WIPF3: variants seen among roughly 807,000 people sequenced by gnomAD.
WIPF3 encodes the protein WAS/WASL interacting protein family member 3.
WIPF3 carries 33 observed loss-of-function variants against 38.9 expected under a neutral mutation model. The ratio of observed to expected loss-of-function variants is 0.85; its 90% CI spans 0.64 to 1.14. WIPF3 has a LOEUF of 1.14. Ranked by LOEUF, WIPF3 falls within the 50% of genes most tolerant of loss-of-function variation. The pLI is 0.00. For missense variants in WIPF3, 711 were observed against 652.5 expected, an observed-to-expected ratio of 1.09 and a Z score of -0.98; for synonymous variants, 324 against 269.3, an observed-to-expected ratio of 1.20 and a Z score of -1.99.
intron 1 of WIPF3, among the ~76,000 whole-genome samples, chr7:29,817,588 T>A (rs2128062126): frequency 6.6e-6 from 1 of 152,266 alleles, no homozygotes; most frequent in East Asian, 1.9e-4. Context: ...CTCAATACTT[T>A]TTGTTGAATA....
chr7:29,898,067 C>T (rs1786190923), intron 7 of WIPF3, among the ~76,000 whole-genome samples: 1 of 152,208 alleles, frequency 6.6e-6, no homozygotes, highest in South Asian at 2.1e-4. Flanking sequence ...CAGGCTTTCT[C>T]CCCTCAGCAC....
rs928623976 is a variant in WIPF3, at chr7:29,888,343, G to A, written c.1249+126G>A. The A allele has an allele frequency of 3.9e-6, 5 of 1,268,214 alleles. No homozygotes were observed. In the African/African-American group the frequency reaches 6.0e-5, roughly 15 times the overall value. The allele number at this position is 1,268,214 out of a possible 1,614,324, so 78.6% of individuals were successfully genotyped here. On this transcript the variant is annotated intron_variant, in intron 6 of 8. Coordinates refer to ENST00000242140, the MANE Select transcript of WIPF3 (RefSeq NM_001080529.3). Reference sequence around the variant, plus strand: ...GGTGCATGCTTCTTTCATGAACAGGGGCTCACTCCAGCACCAACCAGCCCA... The same window carrying A: ...GGTGCATGCTTCTTTCATGAACAGGAGCTCACTCCAGCACCAACCAGCCCA...
intron 2 of WIPF3, among the ~76,000 whole-genome samples, chr7:29,873,689 C>A (rs917745214): frequency 6.6e-5 from 10 of 152,160 alleles, no homozygotes; most frequent in African/African-American, 2.2e-4. Flanking sequence ...GCTCCTTGCT[C>A]TCCACTTTCT....
chr7:29,907,547 A>G (rs1786421243), intron 8 of WIPF3, among the ~76,000 whole-genome samples: 1 of 152,230 alleles, frequency 6.6e-6, no homozygotes. Flanking sequence ...ACAGTATTAA[A>G]AAAGTTGGGC....
intron 2 of WIPF3, among the ~76,000 whole-genome samples, chr7:29,859,075 C>T (rs1785233811): frequency 6.6e-6 from 1 of 152,140 alleles, no homozygotes; most frequent in East Asian, 1.9e-4. Context: ...CTGCAGTTGG[C>T]ACTTCTTAGG....
At chr7:29,876,083 A>C in intron 3 of WIPF3, 121 bp downstream of exon 3, 19 of 1,360,452 alleles carry the variant, frequency 1.4e-5, no homozygotes, top group Non-Finnish European at 1.9e-5. Context: ...GAGCCATCTC[A>C]GACCTGCTCA....
intron 1 of WIPF3, among the ~76,000 whole-genome samples, chr7:29,818,247 G>A (rs1193470073): frequency 6.6e-6 from 1 of 151,990 alleles, no homozygotes; most frequent in African/African-American, 2.4e-5. Flanking sequence ...GAGGTCAGGA[G>A]TTCAAGACCA....
In WIPF3 at chr7:29,875,035, G is replaced by A. The variant is rs192332984; in HGVS notation, c.91-795G>A. On this transcript the variant is annotated intron_variant, in intron 2 of 8. Coordinates refer to ENST00000242140, the MANE Select transcript of WIPF3 (RefSeq NM_001080529.3). ...CTCAGTTTCCTCATCTGTAAGATGAGGGCAAACTCACTTTAAACGCACAAG... is the reference window on the plus strand; with the variant it reads ...CTCAGTTTCCTCATCTGTAAGATGAAGGCAAACTCACTTTAAACGCACAAG... Among the ~76,000 whole-genome samples the A allele has an allele frequency of 3.4e-4, 52 of 152,250 alleles. No homozygotes were observed. The East Asian group carries it at 8.5e-3, about 25-fold the overall frequency.
At chr7:29,847,676 G>A (rs1785023647) in intron 2 of WIPF3, among the ~76,000 whole-genome samples, 1 of 152,186 alleles carries the variant, frequency 6.6e-6, no homozygotes, top group Non-Finnish European at 1.5e-5. Context: ...TTCCTTCTGG[G>A]TGTGGGACAA....
chr7:29,892,469 C>A (rs1256827977), intron 7 of WIPF3, among the ~76,000 whole-genome samples: 1 of 152,232 alleles, frequency 6.6e-6, no homozygotes, highest in Non-Finnish European at 1.5e-5. Flanking sequence ...TCAGTGCAAA[C>A]ACTAAATGAC....
intron 8 of WIPF3, among the ~76,000 whole-genome samples, chr7:29,906,594 A>G (rs891538450): frequency 3.3e-5 from 5 of 152,166 alleles, no homozygotes; most frequent in Admixed American, 2.6e-4. Context: ...GGAGAAAGGA[A>G]AGAAAAAGGG....
rs937027227 is a variant in WIPF3, at chr7:29,878,140, C to G, written c.224-869C>G. ...ATTAGTTTCTGGTTAAACCCATGATCGAATTGGTTAAGCCTAATTAACAGG... is the reference window on the plus strand; with the variant it reads ...ATTAGTTTCTGGTTAAACCCATGATGGAATTGGTTAAGCCTAATTAACAGG... On this transcript the variant is annotated intron_variant, in intron 3 of 8. Coordinates refer to ENST00000242140, the MANE Select transcript of WIPF3 (RefSeq NM_001080529.3). The surrounding 1 kb of genome is among the most constrained non-coding windows in gnomAD (Gnocchi z 4.0). Among the ~76,000 whole-genome samples the G allele has an allele frequency of 2.6e-5, 4 of 152,160 alleles. No individual in the cohort carries two copies. The highest frequency in any genetic ancestry group is 9.7e-5 in the African/African-American group (4 of 41,426).
chr7:29,849,233 A>G (rs1035244148), intron 2 of WIPF3, among the ~76,000 whole-genome samples: 3 of 152,062 alleles, frequency 2.0e-5, no homozygotes, highest in South Asian at 4.1e-4. Flanking sequence ...GACATATGCA[A>G]TAGTTTGGGT....
chr7:29,866,645 C>A (rs10237492), intron 2 of WIPF3, among the ~76,000 whole-genome samples: 1,630 of 152,396 alleles, frequency 0.011, 34 homozygotes, highest in African/African-American at 0.038. Flanking sequence ...CTTGGCTGTC[C>A]TTTCTGGCTC....
intron 4 of WIPF3, among the ~76,000 whole-genome samples, chr7:29,881,508 A>G (rs561523736): frequency 4.6e-5 from 7 of 152,316 alleles, no homozygotes; most frequent in Non-Finnish European, 8.8e-5. Flanking sequence ...AGAAGAAAAC[A>G]TATGACCTTT....
At chr7:29,899,186 C>T (rs1201692318) in intron 7 of WIPF3, among the ~76,000 whole-genome samples, 1 of 152,138 alleles carries the variant, frequency 6.6e-6, no homozygotes, top group Non-Finnish European at 1.5e-5. Context: ...ACTTCATTTG[C>T]ACCTAACGAC....
chr7:29,897,461 C>G (rs1786174901), intron 7 of WIPF3, among the ~76,000 whole-genome samples: 1 of 152,156 alleles, frequency 6.6e-6, no homozygotes, highest in Non-Finnish European at 1.5e-5. Context: ...TCTCTATATT[C>G]TCTCTGACAA....
chr7:29,895,330 A>G (rs1226794492), intron 7 of WIPF3, among the ~76,000 whole-genome samples: 1 of 152,210 alleles, frequency 6.6e-6, no homozygotes, highest in Non-Finnish European at 1.5e-5. Flanking sequence ...ACTCTTGGGT[A>G]TAGGCTAAAA....
chr7:29,847,890 G>GGA lies in WIPF3; in HGVS notation c.90+13079_90+13080dup, dbSNP rs542030748. Reference sequence around the variant, plus strand: ...TCTAGTTTCTGTGGTTAGCCTTGGGGGAGAATGGGACTGAGCGACAAGAGG... The same window carrying GGA: ...TCTAGTTTCTGTGGTTAGCCTTGGGGGAGAGAATGGGACTGAGCGACAAGAGG... On this transcript the variant is annotated intron_variant, in intron 2 of 8. Transcript: ENST00000242140. Among the ~76,000 whole-genome samples, 583 of 152,320 alleles carry GGA rather than the reference G, an allele frequency of 3.8e-3. 1 individual carries two copies. The highest frequency in any genetic ancestry group is 6.7e-3 in the Non-Finnish European group (455 of 68,034).
Sources: allele counts gnomAD v4.1 joint callset (sites outside exome capture counted in the v4.1 genomes callset), GRCh38; gene constraint gnomAD v4.1.1; non-coding constraint Gnocchi (gnomAD v3.1); transcripts MANE v1.5; gene names NCBI Gene and HGNC (gene_info 2026-07-23, HGNC 2026-07-21).